The following PCDH15 variants were observed in gnomAD, a reference collection of about 807,000 sequenced individuals.
PCDH15 encodes the protein protocadherin related 15.
PCDH15 carries 129 observed loss-of-function variants against 178.5 expected under a neutral mutation model. The ratio of observed to expected loss-of-function variants is 0.72; its 90% confidence interval spans 0.63 to 0.84. The LOEUF is 0.84. Among genes scored for constraint, PCDH15 ranks in the 40% least tolerant of loss-of-function variants. PCDH15 has a pLI of 0.00. For synonymous variants in PCDH15, 800 were observed against 732.0 expected (o/e 1.09, Z -1.50); for missense variants, 2,230 against 2,099.9 (o/e 1.06, Z -1.21).
intron 2 of PCDH15, among the ~76,000 whole-genome samples, chr10:55,372,913 TATC>T (rs1215430539): frequency 1.5e-4 from 22 of 150,262 alleles, no homozygotes; most frequent in Admixed American, 1.3e-3. Context: ...TTCTAAAGGA[TATC>T]AACAAGAAAA....
chr10:55,429,466 T>C (rs1838831506), intron 2 of PCDH15, among the ~76,000 whole-genome samples: 1 of 152,170 alleles, frequency 6.6e-6, no homozygotes, highest in Non-Finnish European at 1.5e-5. Flanking sequence ...TTATGTTATA[T>C]ATCTCTACAA....
intron 1 of PCDH15, among the ~76,000 whole-genome samples, chr10:54,796,336 T>C (rs1952012398): frequency 6.7e-6 from 1 of 148,556 alleles, no homozygotes; most frequent in African/African-American, 2.5e-5. Flanking sequence ...ATCATCTAGG[T>C]ATCTATATCT....
At chr10:55,604,024 G>A (rs1209584221) in intron 2 of PCDH15, among the ~76,000 whole-genome samples, 11 of 106,498 alleles carry the variant, frequency 1.0e-4, no homozygotes, top group Non-Finnish European at 1.7e-4. Flanking sequence ...GACACACATA[G>A]GCTCAAAATA....
rs1362278878 is a variant in PCDH15 at position 54,133,013 on chromosome 10, G to C, written c.1785-6C>G. ...ACACAGTGCAGATGGAGTTCCTGCA[G>C]AGAAAGAGAGGAAAAGAAGATGGTT... On this transcript the variant is annotated splice_polypyrimidine_tract_variant and splice_region_variant and intron_variant, in intron 14 of 37. Coordinates refer to ENST00000644397, the MANE Select transcript of PCDH15 (RefSeq NM_001384140.1). 5.6e-6 allele frequency: 9 copies of C among 1,613,972 alleles called. No individual in the cohort carries two copies. The highest frequency in any genetic ancestry group is 2.2e-5 in the South Asian group (2 of 91,078).
At chr10:55,117,639 A>G (rs1401823676) in intron 2 of PCDH15, among the ~76,000 whole-genome samples, 1 of 152,204 alleles carries the variant, frequency 6.6e-6, no homozygotes, top group African/African-American at 2.4e-5. Context: ...TCAGTCTGGA[A>G]CAAACCTCAG....
intron 18 of PCDH15, among the ~76,000 whole-genome samples, chr10:54,048,630 C>G (rs2093703310): frequency 6.6e-6 from 1 of 152,072 alleles, no homozygotes; most frequent in Non-Finnish European, 1.5e-5. Flanking sequence ...AGCCAGTTAT[C>G]CCAACATTTA....
At position 54,987,990 on chromosome 10, in the gene PCDH15, T is replaced by C. The variant is rs764554863; in HGVS notation, c.-79-90490A>G. On this transcript the variant is annotated intron_variant, in intron 2 of 5. Transcript: ENST00000458638. ...AGGTTTTCTTCTAGGATTTTTATGGTTTGGGGTTTTACATTACAATTTTTA... is the reference window on the plus strand; with the variant it reads ...AGGTTTTCTTCTAGGATTTTTATGGCTTGGGGTTTTACATTACAATTTTTA... Among the ~76,000 whole-genome samples, 4 of 152,226 alleles carry C rather than the reference T, an allele frequency of 2.6e-5. 1 individual carries two copies. The East Asian group carries it at 5.8e-4, about 22-fold the overall frequency.
intron 2 of PCDH15, among the ~76,000 whole-genome samples, chr10:55,151,940 G>A (rs976019546): frequency 2.0e-5 from 3 of 151,918 alleles, no homozygotes; most frequent in African/African-American, 7.2e-5. Flanking sequence ...AGGATGAGAG[G>A]TAAATCAGGG....
intron 17 of PCDH15, among the ~76,000 whole-genome samples, chr10:54,077,666 C>T (rs781591830): frequency 2.6e-5 from 4 of 152,116 alleles, no homozygotes; most frequent in Admixed American, 2.0e-4. Context: ...ATTGCCTAGC[C>T]GAGTTACCCT....
chr10:54,027,588 C>G (rs1003099947), intron 18 of PCDH15, among the ~76,000 whole-genome samples: 5 of 148,264 alleles, frequency 3.4e-5, no homozygotes, highest in Admixed American at 6.7e-5. Flanking sequence ...GGTACCAAAA[C>G]AGAGATATAG....
intron 2 of PCDH15, among the ~76,000 whole-genome samples, chr10:55,360,950 T>G (rs1004258316): frequency 4.6e-5 from 7 of 151,972 alleles, no homozygotes; most frequent in Non-Finnish European, 8.8e-5. Context: ...GTATTCAGAA[T>G]AAACTGATGA....
intron 1 of PCDH15, among the ~76,000 whole-genome samples, chr10:55,317,035 G>A (rs536021790): frequency 1.6e-4 from 24 of 152,112 alleles, no homozygotes; most frequent in East Asian, 9.7e-4. Context: ...TTCTCATGAC[G>A]CTTATATCAA....
chr10:54,650,155 T>C (rs898142224), intron 2 of PCDH15, among the ~76,000 whole-genome samples: 43 of 152,124 alleles, frequency 2.8e-4, no homozygotes, highest in African/African-American at 1.0e-3. Flanking sequence ...ATAAATAAAT[T>C]AGTATCAGTA....
At chr10:55,392,041 A>G (rs1837805792) in intron 2 of PCDH15, among the ~76,000 whole-genome samples, 1 of 152,216 alleles carries the variant, frequency 6.6e-6, no homozygotes, top group Admixed American at 6.5e-5. Context: ...GGGAATTAAG[A>G]GACCTCGGGA....
At chr10:54,287,501 C>A (rs1167410654) in intron 8 of PCDH15, among the ~76,000 whole-genome samples, 1 of 152,022 alleles carries the variant, frequency 6.6e-6, no homozygotes, top group Non-Finnish European at 1.5e-5. Flanking sequence ...AGGAGTCCTG[C>A]CGAGAAGAAT....
intron 2 of PCDH15, among the ~76,000 whole-genome samples, chr10:55,084,736 T>A (rs1842124710): frequency 6.6e-6 from 1 of 151,642 alleles, no homozygotes; most frequent in Non-Finnish European, 1.5e-5. Context: ...AGGAAAAAAA[T>A]CTAACAATCT....
chr10:55,199,520 C>T (rs560474232), intron 1 of PCDH15, among the ~76,000 whole-genome samples: 1 of 151,438 alleles, frequency 6.6e-6, no homozygotes, highest in East Asian at 1.9e-4. Context: ...AGCCTGACCA[C>T]GTGGAAGAAA....
intron 16 of PCDH15, among the ~76,000 whole-genome samples, chr10:54,086,182 G>A (rs1322066585): frequency 3.3e-5 from 5 of 152,142 alleles, no homozygotes; most frequent in African/African-American, 1.2e-4. Context: ...GAGGGGCTGA[G>A]AGTACTTCCA....
intron 2 of PCDH15, among the ~76,000 whole-genome samples, chr10:54,996,214 G>A (rs1001622552): frequency 2.0e-5 from 3 of 151,984 alleles, no homozygotes; most frequent in Non-Finnish European, 4.4e-5. Context: ...TTCTCTCTTC[G>A]GCCCTGCCAC....
Sources: gnomAD v4.1 joint callset for allele counts (sites outside exome capture counted in the v4.1 genomes callset) on GRCh38, gnomAD v4.1.1 for gene constraint, MANE v1.5 for transcripts, NCBI Gene and HGNC (gene_info 2026-07-23, HGNC 2026-07-21) for gene names.